Variants in EML1 observed in about 807,000 individuals in gnomAD.
EML1 encodes EMAP like 1.
Under a neutral mutation model 110.4 loss-of-function variants are expected in EML1, and 27 were observed. That is an observed-to-expected ratio of 0.24 (90% confidence interval 0.18 to 0.34). EML1 has a LOEUF of 0.34. Ranked by LOEUF, EML1 falls within the 10% of genes least tolerant of loss-of-function variation. The probability of loss-of-function intolerance (pLI) is 1.00; values close to 1 mark genes in which losing one functional copy is unlikely to be tolerated. For missense variants in EML1, 741 were observed against 1,030.9 expected, an observed-to-expected ratio of 0.72 and a Z score of 3.85; for synonymous variants, 344 against 385.8, an observed-to-expected ratio of 0.89 and a Z score of 1.27.
intron 1 of EML1, among the ~76,000 whole-genome samples, chr14:99,821,023 C>CTTT (rs869159128): frequency 2.2e-5 from 3 of 133,872 alleles, no homozygotes; most frequent in East Asian, 2.1e-4. Context: ...CTTACATTTA[C>CTTT]TTTTTTTTTT....
chr14:99,890,818 G>T (rs1436009944), intron 4 of EML1, among the ~76,000 whole-genome samples: 2 of 152,182 alleles, frequency 1.3e-5, no homozygotes, highest in Admixed American at 1.3e-4. Context: ...TCAGGAATTT[G>T]CTAGTTTTAA....
chr14:99,801,239 G>A (rs184492077), intron 1 of EML1, among the ~76,000 whole-genome samples: 123 of 152,312 alleles, frequency 8.1e-4, no homozygotes, highest in Non-Finnish European at 1.4e-3. Context: ...TGGCAAATCG[G>A]GCTGATTTCC....
At chr14:99,845,263 A>G (rs558638538) in intron 1 of EML1, among the ~76,000 whole-genome samples, 1 of 152,350 alleles carries the variant, frequency 6.6e-6, no homozygotes, top group East Asian at 1.9e-4. Context: ...ATAATGACTA[A>G]TGATGTTGAA....
rs187288937 is a variant in EML1 at position 99,784,026 on chromosome 14, C to T, written c.-27+10013C>T. On this transcript the variant is annotated intron_variant, in intron 1 of 22. Coordinates refer to the EML1 transcript ENST00000327921. This position sits in a 1 kb window ranked among gnomAD's most constrained non-coding sequence, Gnocchi z 4.5. ...ATTCATTTGCAATCTACTGCGGTGCCCGCACTATTGCATGAATTAGAGACA... is the reference window on the plus strand; with the variant it reads ...ATTCATTTGCAATCTACTGCGGTGCTCGCACTATTGCATGAATTAGAGACA... Among the ~76,000 whole-genome samples the T allele has an allele frequency of 6.6e-6, 1 of 152,332 alleles. No homozygotes were observed. The highest frequency in any genetic ancestry group is 2.4e-5 in the African/African-American group (1 of 41,578).
intron 10 of EML1, 82 bp downstream of exon 10, chr14:99,907,815 C>T (rs1316768436): frequency 2.1e-5 from 28 of 1,315,020 alleles, no homozygotes; most frequent in Middle Eastern, 1.9e-4. Context: ...CCCCTTTCAG[C>T]GGGCTCATTC....
chr14:99,770,421 C>A (rs2057413430), upstream of EML1, among the ~76,000 whole-genome samples: 1 of 104,198 alleles, frequency 9.6e-6, no homozygotes, highest in South Asian at 2.8e-4. Context: ...TTTATTTTGA[C>A]CTGCATGAAG....
intron 1 of EML1, among the ~76,000 whole-genome samples, chr14:99,753,564 G>T (rs1023626778): frequency 1.3e-5 from 2 of 151,854 alleles, no homozygotes; most frequent in African/African-American, 2.4e-5. Flanking sequence ...TCCCTCCCTG[G>T]CAGGGAGGGG....
At chr14:99,771,404 A>G (rs551450768), upstream of EML1, among the ~76,000 whole-genome samples, 48 of 152,352 alleles carry the variant, frequency 3.2e-4, 3 homozygotes, top group Middle Eastern at 0.017. Flanking sequence ...CTGTATGAGT[A>G]CTTCACTCCT....
intron 1 of EML1, among the ~76,000 whole-genome samples, chr14:99,742,302 G>A (rs1423045263): frequency 6.6e-6 from 1 of 152,208 alleles, no homozygotes; most frequent in East Asian, 1.9e-4. Flanking sequence ...GCAGCAAGTG[G>A]CCTGGGTTTT....
rs918767514 is a variant in EML1, at chr14:99,767,832, A to G, written c.28+29972A>G. On this transcript the variant is annotated intron_variant, in intron 1 of 10. Coordinates refer to the EML1 transcript ENST00000554479. ...CCCCCAAGTCCCCTCATTCACATACACATCTGTCACCTTCAACAAGACAGG... is the reference window on the plus strand; with the variant it reads ...CCCCCAAGTCCCCTCATTCACATACGCATCTGTCACCTTCAACAAGACAGG... 4.6e-5 allele frequency among the ~76,000 whole-genome samples: 7 copies of G among 152,110 alleles called. No homozygotes were observed. In the East Asian group the frequency reaches 5.8e-4, roughly 13 times the overall value.
intron 3 of EML1, among the ~76,000 whole-genome samples, chr14:99,868,863 C>G (rs187315204): frequency 1.6e-4 from 24 of 151,958 alleles, no homozygotes; most frequent in African/African-American, 5.8e-4. Flanking sequence ...TTGGTTTTAT[C>G]TTCTTCTTCT....
chr14:99,898,416 AC>A lies in EML1; in HGVS notation c.897+115del, dbSNP rs1223274750. 3.0e-6 allele frequency: 3 copies of A among 993,682 alleles called. No individual in the cohort carries two copies. In the African/African-American group the frequency reaches 5.0e-5, roughly 16 times the overall value. 61.6% of individuals were successfully genotyped at this position (993,682 alleles called of 1,614,324 possible). A position where few individuals can be genotyped will look rare whatever the true frequency, so the allele number is the denominator to read the frequency against. On this transcript the variant is annotated intron_variant, in intron 8 of 21. Transcript: ENST00000262233. ...TTAGATATAATTATGGTATCTGAAA[AC>A]TTCTGAACCCCTCACTAGAATTTTT... is the stretch of plus-strand genomic sequence containing the variant.
Position 99,784,954 on chromosome 14 carries a change from CA to C in EML1, c.-27+10942del, listed in dbSNP as rs1264037558. On this transcript the variant is annotated intron_variant, in intron 1 of 22. Coordinates refer to the EML1 transcript ENST00000327921. The surrounding 1 kb of genome is among the most constrained non-coding windows in gnomAD (Gnocchi z 4.5). ...GGAAATGGAAAAGCAGAGGGATTGA[CA>C]GGGGCCAAAGAACTGGAAGAACTAG... 1.3e-5 allele frequency among the ~76,000 whole-genome samples: 2 copies of C among 152,174 alleles called. No homozygotes were observed. Among genetic ancestry groups the C allele is most frequent in the Non-Finnish European group, 2.9e-5 (2 of 68,034 alleles).
intron 1 of EML1, among the ~76,000 whole-genome samples, chr14:99,778,393 C>T (rs1423693030): frequency 2.0e-5 from 3 of 152,090 alleles, no homozygotes; most frequent in Non-Finnish European, 4.4e-5. Flanking sequence ...ACTAAGTCAT[C>T]CCCAACTATT....
chr14:99,772,621 G>C (rs926260114), upstream of EML1, among the ~76,000 whole-genome samples: 1 of 152,154 alleles, frequency 6.6e-6, no homozygotes, highest in Non-Finnish European at 1.5e-5. Flanking sequence ...TTATTATTTT[G>C]TATAGCGTTT....
At chr14:99,768,555 G>C (rs191747148), upstream of EML1, among the ~76,000 whole-genome samples, 98 of 152,274 alleles carry the variant, frequency 6.4e-4, no homozygotes, top group Non-Finnish European at 1.2e-3. Context: ...TGGGGGTAAG[G>C]CAGACAGGCC....
intron 1 of EML1, among the ~76,000 whole-genome samples, chr14:99,832,346 T>G (rs1423628085): frequency 6.6e-6 from 1 of 152,182 alleles, no homozygotes; most frequent in Admixed American, 6.5e-5. Context: ...GCTTTTAACA[T>G]TTGTGTCCAT....
intron 10 of EML1, among the ~76,000 whole-genome samples, chr14:99,909,018 C>T (rs2059903504): frequency 6.6e-6 from 1 of 152,172 alleles, no homozygotes; most frequent in South Asian, 2.1e-4. Context: ...CCCTCTGGTC[C>T]CAACTCCCTC....
intron 3 of EML1, among the ~76,000 whole-genome samples, chr14:99,865,860 G>A (rs935696960): frequency 3.9e-5 from 6 of 152,158 alleles, no homozygotes; most frequent in African/African-American, 1.2e-4. Flanking sequence ...AAACCTCACT[G>A]GCTAAAACCA....
Sources: gnomAD v4.1 joint callset for allele counts (sites outside exome capture counted in the v4.1 genomes callset) on GRCh38, gnomAD v4.1.1 for gene constraint, Gnocchi (gnomAD v3.1) non-coding constraint, MANE v1.5 for transcripts, NCBI Gene and HGNC (gene_info 2026-07-23, HGNC 2026-07-21) for gene names.